Variants in RMDN2 observed in about 807,000 individuals in gnomAD.
RMDN2 encodes regulator of microtubule dynamics protein 2.
In RMDN2, 61 loss-of-function variants were observed where a neutral mutation model predicts 52.8. The ratio of observed to expected loss-of-function variants is 1.16; its 90% CI spans 0.94 to 1.43. The LOEUF is 1.43. Ranked by LOEUF, RMDN2 falls within the 40% of genes most tolerant of loss-of-function variation. The probability of loss-of-function intolerance (pLI) is 0.00; values close to 1 mark genes in which losing one functional copy is unlikely to be tolerated. For synonymous variants in RMDN2, 180 were observed against 153.1 expected, an observed-to-expected ratio of 1.18 and a Z score of -1.30; for missense variants, 592 against 475.3, an observed-to-expected ratio of 1.25 and a Z score of -2.28.
intron 5 of RMDN2, 53 bp from the exon 6 acceptor site, chr2:37,989,488 T>G: frequency 8.7e-7 from 1 of 1,144,826 alleles, no homozygotes; most frequent in South Asian, 1.3e-5. Context: ...GGTGGCATTT[T>G]GTTAAAAATT....
At chr2:38,043,099 C>A (rs1310165753) in intron 10 of RMDN2, among the ~76,000 whole-genome samples, 1 of 152,138 alleles carries the variant, frequency 6.6e-6, no homozygotes, top group African/African-American at 2.4e-5. Context: ...GTTGAACTAT[C>A]CAGCTATAAG....
At chr2:38,061,863 G>T (rs1194633177) in intron 10 of RMDN2, among the ~76,000 whole-genome samples, 3 of 152,124 alleles carry the variant, frequency 2.0e-5, no homozygotes, top group Non-Finnish European at 2.9e-5. Flanking sequence ...GGTTCCAGCT[G>T]TTGCTCATCC....
chr2:37,984,310 T>G (rs1175454999), intron 5 of RMDN2, among the ~76,000 whole-genome samples: 1 of 152,204 alleles, frequency 6.6e-6, no homozygotes, highest in African/African-American at 2.4e-5. Context: ...GATTTGCAGT[T>G]TGTTGGCCAA....
At chr2:37,986,713 T>A (rs554549028) in intron 5 of RMDN2, among the ~76,000 whole-genome samples, 27 of 152,118 alleles carry the variant, frequency 1.8e-4, no homozygotes, top group Admixed American at 4.6e-4. Flanking sequence ...AGAAAAAGCA[T>A]TTGACAAAAT....
At chr2:37,985,243 T>C (rs1474926109) in intron 5 of RMDN2, among the ~76,000 whole-genome samples, 3 of 152,194 alleles carry the variant, frequency 2.0e-5, no homozygotes, top group African/African-American at 4.8e-5. Context: ...ATTCTACCAC[T>C]ATAGACCAGT....
intron 10 of RMDN2, among the ~76,000 whole-genome samples, chr2:38,044,126 A>AT (rs1295585325): frequency 1.3e-5 from 2 of 151,936 alleles, no homozygotes; most frequent in Non-Finnish European, 2.9e-5. Context: ...AGAAAGTCTT[A>AT]TTTTTTCCTT....
chr2:38,046,823 A>G (rs754294378), intron 10 of RMDN2, among the ~76,000 whole-genome samples: 54 of 152,192 alleles, frequency 3.5e-4, no homozygotes, highest in Non-Finnish European at 7.1e-4. Context: ...TCTCTACGAA[A>G]AATACAAAAA....
At chr2:38,006,086 T>G (rs1677040975) in intron 10 of RMDN2, among the ~76,000 whole-genome samples, 2 of 152,244 alleles carry the variant, frequency 1.3e-5, no homozygotes, top group Admixed American at 6.5e-5. Context: ...ACCAGTACCA[T>G]GCTGTTTTGG....
At chr2:38,024,781 T>C (rs960199183) in intron 10 of RMDN2, among the ~76,000 whole-genome samples, 2 of 152,186 alleles carry the variant, frequency 1.3e-5, no homozygotes, top group Admixed American at 6.5e-5. Flanking sequence ...CCAAATCTGC[T>C]GAAAAGACTG....
At chr2:37,925,284 G>C (rs1175030941), upstream of RMDN2, 2 of 152,342 alleles carry the variant, frequency 1.3e-5, no homozygotes, top group African/African-American at 4.8e-5. Context: ...CGGCGCCTCC[G>C]CTATCTGGGT....
At chr2:37,933,057 G>T (rs1666959676) in intron 2 of RMDN2, among the ~76,000 whole-genome samples, 1 of 151,748 alleles carries the variant, frequency 6.6e-6, no homozygotes, top group Admixed American at 6.6e-5. Context: ...TCACTTCTCA[G>T]ATGGGGCGGT....
At chr2:37,923,649 A>G (rs764718138), upstream of RMDN2, among the ~76,000 whole-genome samples, 2 of 152,228 alleles carry the variant, frequency 1.3e-5, no homozygotes, top group Admixed American at 6.5e-5. Flanking sequence ...GCTGCAAACC[A>G]TAATAAATAG....
intron 2 of RMDN2, among the ~76,000 whole-genome samples, chr2:37,932,411 GA>G (rs1292656803): frequency 6.6e-6 from 1 of 151,608 alleles, no homozygotes; most frequent in African/African-American, 2.4e-5. Flanking sequence ...TCCCAAGGCA[GA>G]AGAATTTTTC....
At chr2:37,968,228 G>T (rs1195185280) in intron 2 of RMDN2, among the ~76,000 whole-genome samples, 1 of 152,034 alleles carries the variant, frequency 6.6e-6, no homozygotes, top group African/African-American at 2.4e-5. Context: ...ATCACTTGAG[G>T]TCAGGAGTTC....
At chr2:37,940,881 G>A (rs1667725160) in intron 2 of RMDN2, among the ~76,000 whole-genome samples, 1 of 152,118 alleles carries the variant, frequency 6.6e-6, no homozygotes, top group African/African-American at 2.4e-5. Context: ...ACCTTCTGAA[G>A]CCTACTTCTG....
intron 10 of RMDN2, among the ~76,000 whole-genome samples, chr2:38,038,321 C>T (rs141353316): frequency 6.6e-5 from 10 of 152,262 alleles, no homozygotes; most frequent in African/African-American, 2.2e-4. Context: ...TTGTGCAGCA[C>T]TTTGTCTTTC....
chr2:37,926,167 TA>T (rs573825394), intron 1 of RMDN2, among the ~76,000 whole-genome samples: 108 of 152,352 alleles, frequency 7.1e-4, no homozygotes, highest in African/African-American at 2.5e-3. Context: ...CCGAGTTTAT[TA>T]GAGTTATGCA....
chr2:37,923,966 T>C (rs1572651954), upstream of RMDN2, among the ~76,000 whole-genome samples: 2 of 152,216 alleles, frequency 1.3e-5, no homozygotes, highest in Non-Finnish European at 2.9e-5. Flanking sequence ...GCCAGGCTGG[T>C]CACGAACTCC....
intron 2 of RMDN2, chr2:37,952,090 G>C (rs1668897024): frequency 1.2e-6 from 2 of 1,613,050 alleles, no homozygotes; most frequent in East Asian, 4.5e-5. Context: ...AATTCTGGTT[G>C]CTTTATCCCA....
Sources: gnomAD v4.1 joint callset for allele counts (sites outside exome capture counted in the v4.1 genomes callset) on GRCh38, gnomAD v4.1.1 for gene constraint, MANE v1.5 for transcripts, NCBI Gene and HGNC (gene_info 2026-07-23, HGNC 2026-07-21) for gene names.